Variants in PTPN4 observed in about 807,000 individuals in gnomAD.
PTPN4 encodes the protein tyrosine-protein phosphatase non-receptor type 4.
A neutral mutation model predicts 135.5 loss-of-function variants in PTPN4; 49 were observed. The ratio of observed to expected loss-of-function variants is 0.36; its 90% CI spans 0.29 to 0.46. The LOEUF is 0.46. PTPN4 is among the 20% of genes least tolerant of loss of function. PTPN4 has a pLI of 1.00. For missense variants in PTPN4, 860 were observed against 1,101.0 expected, an observed-to-expected ratio of 0.78 and a Z score of 3.10; for synonymous variants, 333 against 369.9, an observed-to-expected ratio of 0.90 and a Z score of 1.14.
intron 5 of PTPN4, among the ~76,000 whole-genome samples, chr2:119,881,140 C>T (rs189861517): frequency 2.0e-5 from 3 of 152,286 alleles, no homozygotes; most frequent in East Asian, 1.9e-4. Context: ...ATCTTGTAAG[C>T]AATGACAGCA....
chr2:119,849,189 A>T (rs531701395), intron 2 of PTPN4, among the ~76,000 whole-genome samples: 1 of 152,150 alleles, frequency 6.6e-6, no homozygotes, highest in Admixed American at 6.5e-5. Flanking sequence ...TCAGTCTGAC[A>T]TGTAGGCCCT....
At chr2:119,891,781 A>T (rs778878294) in intron 9 of PTPN4, among the ~76,000 whole-genome samples, 11 of 152,098 alleles carry the variant, frequency 7.2e-5, no homozygotes, top group Non-Finnish European at 4.4e-5. Flanking sequence ...TGGGATTTTG[A>T]ACTTTTCTTT....
In PTPN4 at chr2:119,976,007, T is replaced by C. The variant is rs1317389759; in HGVS notation, c.2695-977T>C. ...TTTTTATTTATTTATTTATTTTTTT[T>C]TTTTTTGAGACGGAGTCTCGTTCTG... On this transcript the variant is annotated intron_variant, in intron 26 of 26. Coordinates refer to ENST00000263708, the MANE Select transcript of PTPN4 (RefSeq NM_002830.4). Among the ~76,000 whole-genome samples, 8 of 149,420 alleles carry C rather than the reference T, an allele frequency of 5.4e-5. 1 individual carries two copies.
intron 2 of PTPN4, among the ~76,000 whole-genome samples, chr2:119,839,452 T>C (rs1367383147): frequency 2.6e-5 from 4 of 152,220 alleles, no homozygotes; most frequent in Non-Finnish European, 5.9e-5. Context: ...TTCAAACACA[T>C]AAATATGATT....
At chr2:119,956,626 C>T (rs926348728) in intron 20 of PTPN4, among the ~76,000 whole-genome samples, 2 of 152,160 alleles carry the variant, frequency 1.3e-5, no homozygotes, top group African/African-American at 4.8e-5. Context: ...AGTTTTACCA[C>T]TTTTCAAAAT....
chr2:119,871,522 A>G (rs1266031833), intron 3 of PTPN4, among the ~76,000 whole-genome samples: 11 of 152,044 alleles, frequency 7.2e-5, no homozygotes, highest in Admixed American at 5.9e-4. Context: ...CACTATGCTG[A>G]TTGGGTGTCT....
chr2:119,912,299 G>T (rs1161546349), intron 10 of PTPN4, among the ~76,000 whole-genome samples: 2 of 152,178 alleles, frequency 1.3e-5, no homozygotes, highest in African/African-American at 4.8e-5. Flanking sequence ...TCTAGAGGAG[G>T]ATCACTGTGT....
At chr2:119,858,737 G>GT (rs1011765123) in intron 2 of PTPN4, among the ~76,000 whole-genome samples, 3 of 151,676 alleles carry the variant, frequency 2.0e-5, no homozygotes, top group African/African-American at 7.3e-5. Flanking sequence ...GGTTCAAGCG[G>GT]TTCTCCTGCC....
chr2:119,937,092 A>G lies in PTPN4; in HGVS notation c.1355+2134A>G, dbSNP rs188553243. On this transcript the variant is annotated intron_variant, in intron 15 of 26. Coordinates refer to ENST00000263708, the MANE Select transcript of PTPN4 (RefSeq NM_002830.4). ...TAGATAAGAAAGCCACACTTAGAAC[A>G]CTTGTCCCAATTTACAGAACAGAAA... Among the ~76,000 whole-genome samples the G allele has an allele frequency of 2.6e-5, 4 of 152,352 alleles. No homozygotes were observed. In the East Asian group the frequency reaches 7.7e-4, roughly 29 times the overall value.
chr2:119,922,780 A>AT (rs1218751703), intron 12 of PTPN4, among the ~76,000 whole-genome samples: 2 of 152,330 alleles, frequency 1.3e-5, no homozygotes, highest in East Asian at 3.9e-4. Context: ...GAATTTGCAA[A>AT]TTAATTCATC....
At chr2:119,823,275 C>G (rs2104957552) in intron 2 of PTPN4, among the ~76,000 whole-genome samples, 1 of 151,196 alleles carries the variant, frequency 6.6e-6, no homozygotes, top group South Asian at 2.1e-4. Context: ...CGCTCTGTCG[C>G]CCAGGCTAGA....
At chr2:119,860,908 G>T (rs990901855) in intron 2 of PTPN4, among the ~76,000 whole-genome samples, 4 of 152,050 alleles carry the variant, frequency 2.6e-5, no homozygotes, top group African/African-American at 9.7e-5. Flanking sequence ...GGGCGTGGTG[G>T]CATGCACCTA....
At chr2:119,773,351 A>G (rs1379999623) in intron 1 of PTPN4, among the ~76,000 whole-genome samples, 1 of 152,126 alleles carries the variant, frequency 6.6e-6, no homozygotes, top group Non-Finnish European at 1.5e-5. Flanking sequence ...TTTTTCAATA[A>G]ATATATCGGA....
At chr2:119,913,485 C>T (rs2105024003) in intron 10 of PTPN4, among the ~76,000 whole-genome samples, 1 of 152,190 alleles carries the variant, frequency 6.6e-6, no homozygotes, top group Non-Finnish European at 1.5e-5. Context: ...ATTATTCAAA[C>T]TGGATTTTTA....
intron 11 of PTPN4, 50 bp downstream of exon 11, chr2:119,915,292 T>A: frequency 8.5e-6 from 12 of 1,413,848 alleles, no homozygotes; most frequent in Non-Finnish European, 1.1e-5. Flanking sequence ...TTTTAAGAAA[T>A]ACCCATTCAT....
intron 2 of PTPN4, among the ~76,000 whole-genome samples, chr2:119,827,918 A>G (rs1339808808): frequency 9.9e-5 from 15 of 152,194 alleles, no homozygotes; most frequent in Non-Finnish European, 1.5e-5. Context: ...GGCCCCCTAC[A>G]CGTACACTTG....
chr2:119,868,222 C>T (rs777902906), intron 3 of PTPN4, among the ~76,000 whole-genome samples: 53 of 152,122 alleles, frequency 3.5e-4, no homozygotes, highest in Non-Finnish European at 5.6e-4. Context: ...CAAAGTAAAA[C>T]CACAATGAAG....
chr2:119,838,726 C>T (rs547221870), intron 2 of PTPN4, among the ~76,000 whole-genome samples: 57 of 152,306 alleles, frequency 3.7e-4, no homozygotes, highest in African/African-American at 1.1e-3. Flanking sequence ...TGTTCTCTAG[C>T]TGGTCCTCTT....
At chr2:119,964,509 G>A (rs1018264138) in intron 24 of PTPN4, among the ~76,000 whole-genome samples, 1 of 152,146 alleles carries the variant, frequency 6.6e-6, no homozygotes, top group South Asian at 2.1e-4. Context: ...TCTGCATTGT[G>A]TGAGGATTAG....
Sources: allele counts gnomAD v4.1 joint callset (sites outside exome capture counted in the v4.1 genomes callset), GRCh38; gene constraint gnomAD v4.1.1; transcripts MANE v1.5; gene names NCBI Gene and HGNC (gene_info 2026-07-23, HGNC 2026-07-21).